Variants in TJP2 observed in about 807,000 individuals in gnomAD.
TJP2 encodes tight junction protein 2.
Under a neutral mutation model 133.1 loss-of-function variants are expected in TJP2, and 91 were observed. That is an observed-to-expected ratio of 0.68 (90% confidence interval 0.58 to 0.81). The LOEUF is 0.81. TJP2 is among the 40% of genes least tolerant of loss of function. The pLI, the probability that TJP2 is intolerant of heterozygous loss-of-function variation, is 0.00. For synonymous variants in TJP2, 592 were observed against 583.4 expected (o/e 1.01, Z -0.21); for missense variants, 1,541 against 1,565.6 (o/e 0.98, Z 0.26).
chr9:69,173,985 C>G (rs1824848824), upstream of TJP2: 2 of 985,142 alleles, frequency 2.0e-6, no homozygotes, highest in Non-Finnish European at 2.4e-6. Context: ...GTGGGGGCTG[C>G]GGGCCGCTCG....
intron 1 of TJP2, among the ~76,000 whole-genome samples, chr9:69,185,444 GGT>G: frequency 6.6e-6 from 1 of 152,120 alleles, no homozygotes; most frequent in African/African-American, 2.4e-5. Flanking sequence ...TGTCACATAA[GGT>G]GTTGTTTTTC....
chr9:69,187,756 G>C (rs1825950948), intron 1 of TJP2, among the ~76,000 whole-genome samples: 1 of 152,156 alleles, frequency 6.6e-6, no homozygotes, highest in Non-Finnish European at 1.5e-5. Context: ...GCTCTTGAGA[G>C]CAGGGCTGGT....
chr9:69,177,585 T>G (rs1299437062), intron 1 of TJP2, among the ~76,000 whole-genome samples: 1 of 152,094 alleles, frequency 6.6e-6, no homozygotes, highest in East Asian at 1.9e-4. Context: ...GAAAAAAAAA[T>G]TCAGGCATGG....
intron 1 of TJP2, among the ~76,000 whole-genome samples, chr9:69,137,269 CTT>C (rs373311468): frequency 0.75 from 61,193 of 81,754 alleles, 23,016 homozygotes; most frequent in East Asian, 0.81. Context: ...TTCTTTCTTT[CTT>C]TTTCTTTCTT....
chr9:69,253,786 A>T (rs113309528), intron 22 of TJP2: 2 of 293,270 alleles, frequency 6.8e-6, no homozygotes, highest in African/African-American at 4.4e-5. Context: ...CTAGTTTTCC[A>T]GTGATAGAAA....
intron 1 of TJP2, among the ~76,000 whole-genome samples, chr9:69,181,102 T>G (rs1177068865): frequency 6.6e-6 from 1 of 152,164 alleles, no homozygotes; most frequent in Non-Finnish European, 1.5e-5. Flanking sequence ...GAATTGCGAA[T>G]TTCATCCAGA....
chr9:69,177,738 G>A (rs1223398812), intron 1 of TJP2, among the ~76,000 whole-genome samples: 2 of 151,726 alleles, frequency 1.3e-5, no homozygotes, highest in Non-Finnish European at 2.9e-5. Flanking sequence ...TCTGCCTCCC[G>A]GGTTCAAGCG....
intron 2 of TJP2, among the ~76,000 whole-genome samples, chr9:69,214,356 G>C (rs1185367258): frequency 6.6e-6 from 1 of 152,106 alleles, no homozygotes; most frequent in East Asian, 1.9e-4. Context: ...GAAGTGCTGG[G>C]ATTACAGGTG....
Position 69,132,941 on chromosome 9 carries a change from C to T in TJP2, c.-131+11216C>T, listed in dbSNP as rs547002291. ...ACCTGGTGCCTAGATTTCTTCATTT[C>T]TTCATCTAAAAACAGGGAGAATTTA... On this transcript the variant is annotated intron_variant, in intron 1 of 5. Transcript: ENST00000423935. 4.0e-5 allele frequency among the ~76,000 whole-genome samples: 6 copies of T among 150,374 alleles called. No homozygotes were observed. In the South Asian group the frequency reaches 1.3e-3, roughly 32 times the overall value.
At chr9:69,247,426 C>T (rs2133461034) in intron 18 of TJP2, among the ~76,000 whole-genome samples, 1 of 152,260 alleles carries the variant, frequency 6.6e-6, no homozygotes, top group South Asian at 2.1e-4. Flanking sequence ...ACCAGCTGAA[C>T]TGAGGTAGTT....
chr9:69,208,712 T>A (rs931982767), intron 1 of TJP2, among the ~76,000 whole-genome samples: 1 of 152,162 alleles, frequency 6.6e-6, no homozygotes. Flanking sequence ...ATATTCAACA[T>A]TTTTTTGGTA....
intron 1 of TJP2, among the ~76,000 whole-genome samples, chr9:69,133,932 C>G (rs907796848): frequency 6.6e-6 from 1 of 152,096 alleles, no homozygotes; most frequent in Non-Finnish European, 1.5e-5. Flanking sequence ...AATATGTACT[C>G]CTATTATTAA....
chr9:69,238,820 C>G, intron 16 of TJP2, 31 bp downstream of exon 16: 1 of 1,533,598 alleles, frequency 6.5e-7, no homozygotes, highest in South Asian at 1.1e-5. Flanking sequence ...ACCGTGTTTT[C>G]AGAAAGAATT....
At chr9:69,248,650 G>C in intron 19 of TJP2, 1 of 1,064,160 alleles carries the variant, frequency 9.4e-7, no homozygotes, top group Non-Finnish European at 1.1e-6. Flanking sequence ...CAAAGCTCTT[G>C]AGTGTTTCCC....
intron 9 of TJP2, among the ~76,000 whole-genome samples, 163 bp downstream of exon 9, chr9:69,228,277 G>A (rs1274181972): frequency 6.6e-6 from 1 of 152,184 alleles, no homozygotes; most frequent in Non-Finnish European, 1.5e-5. Flanking sequence ...CACAGCACAT[G>A]TTCTGACTTT....
chr9:69,155,110 C>T (rs1823676927), intron 2 of TJP2, among the ~76,000 whole-genome samples: 3 of 149,860 alleles, frequency 2.0e-5, no homozygotes, highest in African/African-American at 7.4e-5. Context: ...ACCAGCTACT[C>T]AGGAGGCTGA....
In TJP2 at chr9:69,136,887, C is replaced by G. The variant is rs772145270; in HGVS notation, c.-130-14764C>G. 4.6e-4 allele frequency among the ~76,000 whole-genome samples: 70 copies of G among 152,094 alleles called. 1 individual carries two copies. The highest frequency in any genetic ancestry group is 5.2e-4 in the Admixed American group (8 of 15,266). ...CACTGGAAACAGATTTGGGAAAGAG[C>G]AGGAGGAGAGGGAAGAGGTTGGGGG... On this transcript the variant is annotated intron_variant, in intron 1 of 5. Transcript: ENST00000423935.
chr9:69,225,783 C>T (rs749096177), intron 6 of TJP2, among the ~76,000 whole-genome samples: 139 of 152,116 alleles, frequency 9.1e-4, no homozygotes, highest in Non-Finnish European at 1.9e-3. Flanking sequence ...TAAACCAAAC[C>T]GTTGTCTTGA....
Position 69,144,621 on chromosome 9 carries a change from G to A in TJP2, c.-130-7030G>A, listed in dbSNP as rs564342279. ...AGTCAATTTATTAGCTTTCATAAAC[G>A]ATAACTGTAATCTCCTAGGGTGACA... On this transcript the variant is annotated intron_variant, in intron 1 of 5. Transcript: ENST00000423935. Among the ~76,000 whole-genome samples the A allele has an allele frequency of 6.6e-5, 10 of 152,282 alleles. No homozygotes were observed. In the East Asian group the frequency reaches 1.2e-3, roughly 18 times the overall value.
Sources: allele counts gnomAD v4.1 joint callset (sites outside exome capture counted in the v4.1 genomes callset), GRCh38; gene constraint gnomAD v4.1.1; transcripts MANE v1.5; gene names NCBI Gene and HGNC (gene_info 2026-07-23, HGNC 2026-07-21).